The following HPSE2 variants were observed in gnomAD, a reference collection of about 807,000 sequenced individuals.
HPSE2 encodes heparanase 2 (inactive).
HPSE2 carries 38 observed loss-of-function variants against 60.5 expected under a neutral mutation model. The observed-to-expected ratio is 0.63, with a 90% CI of 0.48 to 0.82. HPSE2 has a LOEUF of 0.82. Among genes scored for constraint, HPSE2 ranks in the 40% least tolerant of loss-of-function variants. HPSE2 has a pLI of 0.00. For synonymous variants in HPSE2, 295 were observed against 293.2 expected (o/e 1.01, Z -0.06); for missense variants, 713 against 740.4 (o/e 0.96, Z 0.43).
rs1017411967 is a variant in HPSE2 at position 98,525,495 on chromosome 10, G to T, written c.1321-35299C>A. ...TACGGACTACCTGCTGGGAAGACGG[G>T]CCTAAGGGAGCCCCACAGTGGCTTT... On this transcript the variant is annotated intron_variant, in intron 9 of 11. Coordinates refer to ENST00000370552, the MANE Select transcript of HPSE2 (RefSeq NM_021828.5). Among the ~76,000 whole-genome samples the T allele has an allele frequency of 2.0e-5, 3 of 152,346 alleles. No individual in the cohort carries two copies. The South Asian group carries it at 6.2e-4, about 32-fold the overall frequency.
At chr10:99,051,331 G>A (rs1254583679) in intron 3 of HPSE2, among the ~76,000 whole-genome samples, 2 of 152,124 alleles carry the variant, frequency 1.3e-5, no homozygotes, top group Admixed American at 1.3e-4. Flanking sequence ...AAATATCCCT[G>A]TAAAATATTC....
chr10:98,993,875 G>T (rs1956584055), intron 3 of HPSE2, among the ~76,000 whole-genome samples: 1 of 152,068 alleles, frequency 6.6e-6, no homozygotes, highest in Non-Finnish European at 1.5e-5. Context: ...ATTATACATG[G>T]TGTCCTAGAT....
At chr10:99,109,927 T>C (rs1177693723) in intron 3 of HPSE2, among the ~76,000 whole-genome samples, 1 of 151,936 alleles carries the variant, frequency 6.6e-6, no homozygotes, top group African/African-American at 2.4e-5. Flanking sequence ...GATCAAGAAA[T>C]AAAGGCCTGG....
chr10:98,683,521 A>G (rs1947837321), intron 6 of HPSE2, among the ~76,000 whole-genome samples: 1 of 152,028 alleles, frequency 6.6e-6, no homozygotes, highest in South Asian at 2.1e-4. Context: ...AAAAACAAGA[A>G]AACAAGCTAT....
chr10:99,050,135 C>A (rs1218323788), intron 3 of HPSE2, among the ~76,000 whole-genome samples: 1 of 151,802 alleles, frequency 6.6e-6, no homozygotes, highest in Non-Finnish European at 1.5e-5. Flanking sequence ...CTCATCTCTA[C>A]AAAAAAAGTG....
chr10:99,126,178 C>T lies in HPSE2; in HGVS notation c.610+18060G>A, dbSNP rs1202268917. On this transcript the variant is annotated intron_variant, in intron 3 of 11. Coordinates refer to ENST00000370552, the MANE Select transcript of HPSE2 (RefSeq NM_021828.5). This position sits in a 1 kb window ranked among gnomAD's most constrained non-coding sequence, Gnocchi z 4.0. Reference sequence around the variant, plus strand: ...TGTGGGAGCTGAGTGAGGCCTTTTGCTACCAGCTATGCCCCCACTTCCCTG... The same window carrying T: ...TGTGGGAGCTGAGTGAGGCCTTTTGTTACCAGCTATGCCCCCACTTCCCTG... Among the ~76,000 whole-genome samples the T allele has an allele frequency of 6.6e-6, 1 of 152,148 alleles. No individual in the cohort carries two copies. The highest frequency in any genetic ancestry group is 1.5e-5 in the Non-Finnish European group (1 of 68,010).
At chr10:98,942,030 T>G (rs2135156610) in intron 3 of HPSE2, among the ~76,000 whole-genome samples, 1 of 143,090 alleles carries the variant, frequency 7.0e-6, no homozygotes, top group South Asian at 2.1e-4. Flanking sequence ...TAGCCATAGG[T>G]AGAAAGCTGA....
intron 3 of HPSE2, among the ~76,000 whole-genome samples, chr10:98,803,815 G>C (rs1950976541): frequency 6.6e-6 from 1 of 151,386 alleles, no homozygotes; most frequent in Non-Finnish European, 1.5e-5. Flanking sequence ...GCTCTTTTTT[G>C]GTTCCATATG....
chr10:98,824,563 C>G (rs955245211), intron 3 of HPSE2, among the ~76,000 whole-genome samples: 5 of 152,112 alleles, frequency 3.3e-5, no homozygotes, highest in Non-Finnish European at 5.9e-5. Flanking sequence ...AATGATGGAG[C>G]TAATTTTTAG....
At chr10:98,653,424 TA>T (rs397794893) in intron 6 of HPSE2, among the ~76,000 whole-genome samples, 4 of 151,906 alleles carry the variant, frequency 2.6e-5, no homozygotes, top group Admixed American at 2.0e-4. Context: ...GTTTTTTTTT[TA>T]ATCTCTTCTT....
intron 3 of HPSE2, among the ~76,000 whole-genome samples, chr10:98,894,230 TA>T (rs1204469192): frequency 6.6e-6 from 1 of 151,978 alleles, no homozygotes; most frequent in Admixed American, 6.6e-5. Flanking sequence ...TCCAAATAAG[TA>T]ACAACAGAAA....
At chr10:98,993,257 G>T (rs982304944) in intron 3 of HPSE2, among the ~76,000 whole-genome samples, 3 of 152,176 alleles carry the variant, frequency 2.0e-5, no homozygotes, top group African/African-American at 7.2e-5. Context: ...AGAGGGCTAC[G>T]GCATCTGAGC....
chr10:98,782,929 T>A (rs1270242537), intron 3 of HPSE2, among the ~76,000 whole-genome samples: 2 of 75,990 alleles, frequency 2.6e-5, no homozygotes, highest in African/African-American at 8.5e-5. Context: ...TTTTTTTATT[T>A]TTTTTTTTAA....
chr10:98,470,561 G>A (rs539731246), intron 11 of HPSE2, among the ~76,000 whole-genome samples: 21 of 152,312 alleles, frequency 1.4e-4, no homozygotes, highest in African/African-American at 5.1e-4. Flanking sequence ...AGTTCCTTAA[G>A]GCTTACATTT....
At chr10:98,782,950 T>TTTA (rs1212485073) in intron 3 of HPSE2, among the ~76,000 whole-genome samples, 33 of 139,442 alleles carry the variant, frequency 2.4e-4, no homozygotes, top group African/African-American at 5.7e-4. Flanking sequence ...TGTTTTTTTT[T>TTTA]TTATTATACT....
At chr10:99,211,429 C>T (rs1050216009) in intron 2 of HPSE2, among the ~76,000 whole-genome samples, 5 of 151,942 alleles carry the variant, frequency 3.3e-5, no homozygotes, top group African/African-American at 4.8e-5. Context: ...AAGCTGGAGG[C>T]CTCACACTAC....
At chr10:99,174,754 A>T (rs1357892124) in intron 2 of HPSE2, among the ~76,000 whole-genome samples, 1 of 152,210 alleles carries the variant, frequency 6.6e-6, no homozygotes, top group Non-Finnish European at 1.5e-5. Flanking sequence ...GAGCTAATTA[A>T]ATTAAAAAGA....
chr10:99,134,704 A>G (rs967451464), intron 3 of HPSE2, among the ~76,000 whole-genome samples: 3 of 152,240 alleles, frequency 2.0e-5, no homozygotes, highest in African/African-American at 4.8e-5. Flanking sequence ...TTGCCTTACA[A>G]GAGCTCCTGA....
chr10:99,232,528 A>C lies in HPSE2; in HGVS notation c.291-23T>G, dbSNP rs574049499. ...GAGCTGCAGAGGAAGAGAATAAGAG[A>C]GGAAAGGTTCCCAGGACAGGACGAG... On this transcript the variant is annotated intron_variant, in intron 1 of 11. Coordinates refer to ENST00000370552, the MANE Select transcript of HPSE2 (RefSeq NM_021828.5). 4.5e-6 allele frequency: 7 copies of C among 1,550,174 alleles called. No individual in the cohort carries two copies. In the South Asian group the frequency reaches 8.3e-5, roughly 18 times the overall value.
Sources: gnomAD v4.1 joint callset for allele counts (sites outside exome capture counted in the v4.1 genomes callset) on GRCh38, gnomAD v4.1.1 for gene constraint, Gnocchi (gnomAD v3.1) non-coding constraint, MANE v1.5 for transcripts, NCBI Gene and HGNC (gene_info 2026-07-23, HGNC 2026-07-21) for gene names.